MCRS1: variants seen among roughly 807,000 people sequenced by gnomAD.
MCRS1 encodes microspherule protein 1.
Under a neutral mutation model 62.9 loss-of-function variants are expected in MCRS1, and 22 were observed. The ratio of observed to expected loss-of-function variants is 0.35; its 90% CI spans 0.25 to 0.50. The LOEUF (loss-of-function observed/expected upper bound fraction) is 0.50. Ranked by LOEUF, MCRS1 falls within the 20% of genes least tolerant of loss-of-function variation. The pLI, the probability that MCRS1 is intolerant of heterozygous loss-of-function variation, is 0.98. For missense variants in MCRS1, 456 were observed against 601.1 expected, an observed-to-expected ratio of 0.76 and a Z score of 2.52; for synonymous variants, 244 against 233.5, an observed-to-expected ratio of 1.04 and a Z score of -0.41.
At chr12:49,563,612 T>C in intron 6 of MCRS1, 66 bp from the exon 7 acceptor site, 1 of 1,233,054 alleles carries the variant, frequency 8.1e-7, no homozygotes, top group South Asian at 1.3e-5. Flanking sequence ...GGGTTCCTAC[T>C]ATTTCCCCCA....
At chr12:49,565,112 G>T in intron 4 of MCRS1, 1 of 985,360 alleles carries the variant, frequency 1.0e-6, no homozygotes, top group Non-Finnish European at 1.2e-6. Context: ...GACCATACGG[G>T]GTCTTCTCTT....
rs1938631536 is a variant in MCRS1, at chr12:49,559,391, A to G, written c.1086+62T>C. Reference sequence around the variant, plus strand: ...AGAGAAAGATGGGAAACCAAGGACTACGCAGAGAAAGGCACTGACAGAGGA... The same window carrying G: ...AGAGAAAGATGGGAAACCAAGGACTGCGCAGAGAAAGGCACTGACAGAGGA... On this transcript the variant is annotated intron_variant, in intron 12 of 14. Coordinates refer to ENST00000343810, the MANE Select transcript of MCRS1 (RefSeq NM_006337.5). The surrounding 1 kb of genome is among the most constrained non-coding windows in gnomAD (Gnocchi z 5.2). 2 of 1,609,924 alleles carry G rather than the reference A, an allele frequency of 1.2e-6. No individual in the cohort carries two copies. The highest frequency in any genetic ancestry group is 4.5e-5 in the East Asian group (2 of 44,846).
intron 8 of MCRS1, among the ~76,000 whole-genome samples, chr12:49,561,228 C>A (rs1442089397): frequency 1.3e-5 from 2 of 152,192 alleles, no homozygotes; most frequent in Non-Finnish European, 2.9e-5. Flanking sequence ...CCCCCCAAAT[C>A]TGAAAACCTC....
rs1032827126 is a variant in MCRS1 at position 49,568,074 on chromosome 12, T to C, written c.-137A>G. ...ATTCCTAGACTGCCAGATCCAACAA[T>C]TTCTCCGCGGCGACGGTAGCAGCCG... On this transcript the variant is annotated 5_prime_UTR_variant, in exon 1 of 15. Coordinates refer to ENST00000343810, the MANE Select transcript of MCRS1 (RefSeq NM_006337.5). 4.6e-5 allele frequency: 7 copies of C among 152,082 alleles called. No individual in the cohort carries two copies. Among genetic ancestry groups the C allele is most frequent in the African/African-American group, 1.7e-4 (7 of 41,394 alleles). 9.4% of individuals were successfully genotyped at this position (152,082 alleles called of 1,614,324 possible).
rs151287310 is a variant in MCRS1 at position 49,563,484 on chromosome 12, G to A, written c.620C>T (p.Ala207Val). The A allele has an allele frequency of 3.0e-4, 486 of 1,612,900 alleles. 3 individuals carry two copies. The African/African-American group carries it at 5.7e-3, about 19-fold the overall frequency. ...CTGCTCCTCAGCCTTGCTAAACAGG[G>A]CCTTGCTCTGGATGGCTGCAATAGC... is the stretch of plus-strand genomic sequence containing the variant. ...PEAIAAIQSK[A>V]LFSKAEEQLL... The change falls in exon 7 of 15, where the codon GCC becomes GTC. Residue 207 changes from alanine to valine, a missense_variant. Ala to Val is a moderately conservative substitution (Grantham distance 64). Transcript: ENST00000343810.
At chr12:49,565,324 T>C (rs1201112484) in intron 4 of MCRS1, 2 of 984,978 alleles carry the variant, frequency 2.0e-6, no homozygotes, top group African/African-American at 3.5e-5. Context: ...CAGGATGCAA[T>C]GGCAGGGTTG....
rs770532766 is a variant in MCRS1, at chr12:49,566,472, G to A, written c.10+250C>T. 12 of 1,560,174 alleles carry A rather than the reference G, an allele frequency of 7.7e-6. No homozygotes were observed. In the East Asian group the frequency reaches 2.8e-4, roughly 37 times the overall value. On this transcript the variant is annotated intron_variant, in intron 2 of 14. Transcript: ENST00000343810. ...AGCACATGGTGCTCAGGTCAGACTG[G>A]TGATGCCGACACGCTGGGCTCTGGG...
chr12:49,564,273 C>G (rs1938929745), intron 6 of MCRS1, among the ~76,000 whole-genome samples: 1 of 152,208 alleles, frequency 6.6e-6, no homozygotes, highest in Non-Finnish European at 1.5e-5. Flanking sequence ...CTCTCCCATG[C>G]TATTCCCTCT....
At chr12:49,566,519 C>T in intron 2 of MCRS1, 1 of 1,514,382 alleles carries the variant, frequency 6.6e-7, no homozygotes, top group South Asian at 1.2e-5. Context: ...CCTCTGCCAT[C>T]AAAATGCAGC....
In MCRS1 at chr12:49,558,435, G is replaced by GATTGATGGGATGGGGAAAGGCCAGAGAGA; in HGVS notation, c.*207_*208insTCTCTCTGGCCTTTCCCCATCCCATCAAT. ...TTTTAGAGAGAGGAAGATGGGGAGGGGCTCTGGATCTAGGGAAGCCTGAGG... is the reference window on the plus strand; with the variant it reads ...TTTTAGAGAGAGGAAGATGGGGAGGGATTGATGGGATGGGGAAAGGCCAGAGAGAGCTCTGGATCTAGGGAAGCCTGAGG... On this transcript the variant is annotated 3_prime_UTR_variant, in exon 15 of 15. Transcript: ENST00000343810. 5.2e-6 allele frequency: 3 copies of GATTGATGGGATGGGGAAAGGCCAGAGAGA among 574,302 alleles called. No homozygotes were observed. The highest frequency in any genetic ancestry group is 3.2e-5 in the Admixed American group (1 of 31,280). 35.6% of individuals were successfully genotyped at this position (574,302 alleles called of 1,614,324 possible).
intron 2 of MCRS1, chr12:49,566,505 G>A: frequency 6.6e-7 from 1 of 1,525,920 alleles, no homozygotes; most frequent in East Asian, 2.4e-5. Context: ...GGGCATAACT[G>A]CTCCCTCTGC....
At chr12:49,566,440 G>T in intron 2 of MCRS1, 1 of 1,571,634 alleles carries the variant, frequency 6.4e-7, no homozygotes. Flanking sequence ...CACGTGTCAT[G>T]TCGTGCAGCA....
rs760592258 is a variant in MCRS1, at chr12:49,564,764, G to A, written c.420C>T (p.Asp140=). ...GCAACACAGCATTTATGAGCAGGAGGTCATCTGCAGGCTTCCAGCGGCCCA... is the reference window on the plus strand; with the variant it reads ...GCAACACAGCATTTATGAGCAGGAGATCATCTGCAGGCTTCCAGCGGCCCA... ...KDLGRWKPAD[D]LLLINAVLQT... is the part of the protein sequence containing the mutation. Residue 140 remains aspartate, a synonymous_variant, in exon 5 of 15, where the codon GAC becomes GAT. Coordinates refer to ENST00000343810, the MANE Select transcript of MCRS1 (RefSeq NM_006337.5). 5.0e-6 allele frequency: 8 copies of A among 1,613,480 alleles called. No individual in the cohort carries two copies. Among genetic ancestry groups the A allele is most frequent in the East Asian group, 4.5e-5 (2 of 44,882 alleles).
rs1939088505 is a variant in MCRS1 at position 49,566,789 on chromosome 12, A to G, written c.-58T>C. 2 of 1,602,872 alleles carry G rather than the reference A, an allele frequency of 1.2e-6. No homozygotes were observed. The highest frequency in any genetic ancestry group is 1.7e-6 in the Non-Finnish European group (2 of 1,173,256). ...CCACCGGGCTAGGAGGAACGGTCCC[A>G]CAGGCTCATCCAAGGATTCTGACCA... is the stretch of plus-strand genomic sequence containing the variant. On this transcript the variant is annotated 5_prime_UTR_variant, in exon 2 of 15. Transcript: ENST00000343810.
At chr12:49,564,055 T>C (rs1938916802) in intron 6 of MCRS1, among the ~76,000 whole-genome samples, 1 of 152,214 alleles carries the variant, frequency 6.6e-6, no homozygotes, top group African/African-American at 2.4e-5. Context: ...TGGAAGCCTG[T>C]GGCTACTGGA....
At position 49,559,389 on chromosome 12, in the gene MCRS1, C is replaced by A; in HGVS notation, c.1086+64G>T. On this transcript the variant is annotated intron_variant, in intron 12 of 14. Transcript: ENST00000343810. This position sits in a 1 kb window ranked among gnomAD's most constrained non-coding sequence, Gnocchi z 5.2. ...CCAGAGAAAGATGGGAAACCAAGGA[C>A]TACGCAGAGAAAGGCACTGACAGAG... 6.2e-7 allele frequency: 1 copy of A among 1,610,288 alleles called. No homozygotes were observed. The highest frequency in any genetic ancestry group is 8.5e-7 in the Non-Finnish European group (1 of 1,176,626).
Position 49,564,882 on chromosome 12 carries a change from G to A in MCRS1, c.302C>T (p.Pro101Leu). ...TGGGCTGGGTGGCACAGGAGTGCTG[G>A]GGGCTTTGGATACCTGGGCAGAGGA... The part of the protein sequence containing the change: ...SSEKKKVSKA[P>L]STPVPPSPAP... Residue 101 changes from proline (P) to leucine (L), a missense_variant, in exon 5 of 15, where the codon CCC becomes CTC. Coordinates refer to ENST00000343810, the MANE Select transcript of MCRS1 (RefSeq NM_006337.5). 2 of 1,600,242 alleles carry A rather than the reference G, an allele frequency of 1.2e-6. No homozygotes were observed. Among genetic ancestry groups the A allele is most frequent in the Non-Finnish European group, 1.7e-6 (2 of 1,172,696 alleles).
intron 14 of MCRS1, 30 bp from the exon 15 acceptor site, chr12:49,558,759 A>G (rs369887827): frequency 6.2e-7 from 1 of 1,613,478 alleles, no homozygotes; most frequent in Non-Finnish European, 8.5e-7. Flanking sequence ...GGCTTAAGAC[A>G]GAGGTGGCAC....
chr12:49,560,143 T>C (rs1938684199), intron 9 of MCRS1, 152 bp downstream of exon 9: 1 of 1,180,348 alleles, frequency 8.5e-7, no homozygotes, highest in African/African-American at 1.5e-5. Flanking sequence ...CAGCGGAGCC[T>C]AAGAAGGCCC....
Sources: allele counts gnomAD v4.1 joint callset (sites outside exome capture counted in the v4.1 genomes callset), GRCh38; gene constraint gnomAD v4.1.1; non-coding constraint Gnocchi (gnomAD v3.1); transcripts MANE v1.5; gene names NCBI Gene and HGNC (gene_info 2026-07-23, HGNC 2026-07-21).